The following RIT2 variants were observed in gnomAD, a reference collection of about 807,000 sequenced individuals.
The protein encoded by RIT2 is GTP-binding protein Rit2.
In RIT2, 24 loss-of-function variants were observed where a neutral mutation model predicts 23.7. That is an observed-to-expected ratio of 1.01 (90% confidence interval 0.73 to 1.43). RIT2 has a LOEUF of 1.43. Among genes scored for constraint, RIT2 ranks in the 40% most tolerant of loss-of-function variants. The pLI is 0.00. For synonymous variants in RIT2, 107 were observed against 91.1 expected, an observed-to-expected ratio of 1.17 and a Z score of -0.99; for missense variants, 236 against 266.9, an observed-to-expected ratio of 0.88 and a Z score of 0.81.
chr18:42,887,083 AT>A (rs1365600150), intron 4 of RIT2, among the ~76,000 whole-genome samples: 7 of 152,196 alleles, frequency 4.6e-5, no homozygotes, highest in African/African-American at 1.7e-4. Context: ...TATTTGTTTC[AT>A]TTAATTCATT....
chr18:43,016,142 T>C (rs999620880), intron 2 of RIT2, among the ~76,000 whole-genome samples: 1 of 151,918 alleles, frequency 6.6e-6, no homozygotes, highest in African/African-American at 2.4e-5. Flanking sequence ...CATCAAATAG[T>C]CAAGTAAGCA....
chr18:43,041,841 C>T (rs1233853126), intron 1 of RIT2, among the ~76,000 whole-genome samples: 1 of 152,026 alleles, frequency 6.6e-6, no homozygotes, highest in African/African-American at 2.4e-5. Context: ...ATATCACCCT[C>T]CTTGGAATGT....
intron 3 of RIT2, among the ~76,000 whole-genome samples, chr18:42,950,412 A>T (rs554199775): frequency 6.6e-6 from 1 of 152,246 alleles, no homozygotes; most frequent in African/African-American, 2.4e-5. Flanking sequence ...TGAAAGATTT[A>T]AATGTAAGAC....
At position 43,093,882 on chromosome 18, in the gene RIT2, G is replaced by T. The variant is rs192485753; in HGVS notation, c.103+21535C>A. 3.3e-5 allele frequency among the ~76,000 whole-genome samples: 5 copies of T among 152,042 alleles called. No individual in the cohort carries two copies. The East Asian group carries it at 7.7e-4, about 24-fold the overall frequency. ...TCCATATTATATTAAAATAGTTTAT[G>T]CAAGATGAGCTACCAAGGTTTGGAT... On this transcript the variant is annotated intron_variant, in intron 1 of 4. Transcript: ENST00000326695.
chr18:43,083,903 G>A (rs185812722), intron 1 of RIT2, among the ~76,000 whole-genome samples: 3 of 152,028 alleles, frequency 2.0e-5, no homozygotes, highest in Admixed American at 6.6e-5. Context: ...TTAAATGAAA[G>A]GGCTTCTGCA....
intron 1 of RIT2, among the ~76,000 whole-genome samples, chr18:43,053,410 A>G (rs1912429436): frequency 6.6e-6 from 1 of 152,016 alleles, no homozygotes; most frequent in Admixed American, 6.6e-5. Context: ...GATAGCTTCT[A>G]TGGAAAGCTA....
intron 3 of RIT2, among the ~76,000 whole-genome samples, chr18:42,929,290 C>T (rs1909268974): frequency 1.3e-5 from 2 of 151,742 alleles, no homozygotes; most frequent in Non-Finnish European, 2.9e-5. Flanking sequence ...AGACAACATC[C>T]CCAGTGTCAA....
intron 4 of RIT2, among the ~76,000 whole-genome samples, chr18:42,758,893 C>A (rs1913231731): frequency 6.6e-6 from 1 of 151,998 alleles, no homozygotes; most frequent in Non-Finnish European, 1.5e-5. Flanking sequence ...ATTATGTGCC[C>A]ATTGATTCTG....
chr18:42,852,340 G>T (rs538323378), intron 4 of RIT2, among the ~76,000 whole-genome samples: 1 of 152,280 alleles, frequency 6.6e-6, no homozygotes, highest in South Asian at 2.1e-4. Flanking sequence ...TAGTAAGAAA[G>T]ACAATAATGA....
chr18:42,964,233 C>A (rs1452655172), intron 3 of RIT2, among the ~76,000 whole-genome samples: 1 of 149,000 alleles, frequency 6.7e-6, no homozygotes, highest in Non-Finnish European at 1.5e-5. Flanking sequence ...AAAATAAAAT[C>A]AATCAATCAA....
At chr18:42,749,775 A>G (rs1913003348) in intron 4 of RIT2, among the ~76,000 whole-genome samples, 1 of 151,896 alleles carries the variant, frequency 6.6e-6, no homozygotes, top group African/African-American at 2.4e-5. Flanking sequence ...TAGAAATTCT[A>G]TATTGTCCTA....
intron 1 of RIT2, among the ~76,000 whole-genome samples, chr18:43,079,190 A>C (rs1913096648): frequency 6.6e-6 from 1 of 152,228 alleles, no homozygotes; most frequent in Non-Finnish European, 1.5e-5. Context: ...CAAGTGAAGA[A>C]CCAAAACAAA....
chr18:42,913,998 G>A (rs1426162541), intron 4 of RIT2, among the ~76,000 whole-genome samples: 1 of 151,902 alleles, frequency 6.6e-6, no homozygotes, highest in Non-Finnish European at 1.5e-5. Context: ...AGGCAAATAA[G>A]AAAAGAAAAT....
chr18:42,775,543 A>AAAC (rs1325987493), intron 4 of RIT2, among the ~76,000 whole-genome samples: 1 of 151,920 alleles, frequency 6.6e-6, no homozygotes, highest in Non-Finnish European at 1.5e-5. Context: ...AAAAATACAA[A>AAAC]AAAATTAGCC....
intron 4 of RIT2, among the ~76,000 whole-genome samples, chr18:42,879,703 A>G (rs1907837303): frequency 6.6e-6 from 1 of 151,890 alleles, no homozygotes; most frequent in Non-Finnish European, 1.5e-5. Context: ...TAGTTTTTCT[A>G]GTTTTCATGT....
At chr18:42,979,759 G>A (rs1272511066) in intron 2 of RIT2, among the ~76,000 whole-genome samples, 2 of 152,088 alleles carry the variant, frequency 1.3e-5, no homozygotes, top group African/African-American at 4.8e-5. Context: ...TATGTAATAG[G>A]TGCTGCACAC....
intron 3 of RIT2, among the ~76,000 whole-genome samples, chr18:42,967,344 A>G (rs985250435): frequency 6.6e-6 from 1 of 151,838 alleles, no homozygotes; most frequent in African/African-American, 2.4e-5. Flanking sequence ...CTTAAAACAT[A>G]CTGTAGAAAT....
At chr18:43,078,761 C>T (rs532062249) in intron 1 of RIT2, among the ~76,000 whole-genome samples, 1 of 152,270 alleles carries the variant, frequency 6.6e-6, no homozygotes, top group South Asian at 2.1e-4. Flanking sequence ...GAGTTAAAGG[C>T]ATTGTCTCAG....
At chr18:42,865,774 G>C (rs1351050667) in intron 4 of RIT2, among the ~76,000 whole-genome samples, 1 of 152,024 alleles carries the variant, frequency 6.6e-6, no homozygotes, top group East Asian at 1.9e-4. Flanking sequence ...CTAACTCTGA[G>C]CCTCCCCCGC....
Sources: gnomAD v4.1 joint callset for allele counts (sites outside exome capture counted in the v4.1 genomes callset) on GRCh38, gnomAD v4.1.1 for gene constraint, MANE v1.5 for transcripts, NCBI Gene and HGNC (gene_info 2026-07-23, HGNC 2026-07-21) for gene names.